Variants in VAV3 observed in about 807,000 individuals in gnomAD.
The protein encoded by VAV3 is vav guanine nucleotide exchange factor 3.
Under a neutral mutation model 131.2 loss-of-function variants are expected in VAV3, and 94 were observed. The ratio of observed to expected loss-of-function variants is 0.72; its 90% confidence interval spans 0.61 to 0.85. The LOEUF (loss-of-function observed/expected upper bound fraction) is 0.85, where lower values mean the gene tolerates loss of function less well. Ranked by LOEUF, VAV3 falls within the 40% of genes least tolerant of loss-of-function variation. The pLI, the probability that VAV3 is intolerant of heterozygous loss-of-function variation, is 0.00. For missense variants in VAV3, 939 were observed against 1,002.7 expected, an observed-to-expected ratio of 0.94 and a Z score of 0.86; for synonymous variants, 349 against 342.0, an observed-to-expected ratio of 1.02 and a Z score of -0.22.
At chr1:107,664,452 T>C (rs1657267661) in intron 19 of VAV3, among the ~76,000 whole-genome samples, 1 of 152,172 alleles carries the variant, frequency 6.6e-6, no homozygotes, top group African/African-American at 2.4e-5. Context: ...CTACAGTGCT[T>C]GAACAAACCA....
At chr1:107,921,598 G>T (rs1672901347) in intron 1 of VAV3, among the ~76,000 whole-genome samples, 2 of 152,182 alleles carry the variant, frequency 1.3e-5, no homozygotes, top group African/African-American at 4.8e-5. Flanking sequence ...TGACAGCCAA[G>T]TCATCACTCC....
At position 107,777,293 on chromosome 1, in the gene VAV3, G is replaced by A. The variant is rs1330696371; in HGVS notation, c.384C>T (p.Pro128=). 1.9e-6 allele frequency: 3 copies of A among 1,613,804 alleles called. No individual in the cohort carries two copies. Among genetic ancestry groups the A allele is most frequent in the South Asian group, 1.1e-5 (1 of 91,068 alleles). Residue 128 remains proline (P), a synonymous_variant, in exon 4 of 27, where the codon CCC becomes CCT. Coordinates refer to ENST00000370056, the MANE Select transcript of VAV3 (RefSeq NM_006113.5). Reference sequence around the variant, plus strand: ...CATTAATGCTTTCTTCTGTTGGGAAGGGCCTAGGAAGAGGAGAAAAAACAA... The same window carrying A: ...CATTAATGCTTTCTTCTGTTGGGAAAGGCCTAGGAAGAGGAGAAAAAACAA... ...TPIALATGIR[P]FPTEESINDE...
intron 22 of VAV3, among the ~76,000 whole-genome samples, chr1:107,604,123 G>A (rs562753303): frequency 6.6e-6 from 1 of 152,292 alleles, no homozygotes; most frequent in East Asian, 1.9e-4. Context: ...AGTTACATCA[G>A]AGATTTTAGT....
chr1:107,646,434 C>T (rs1027298246), intron 19 of VAV3, among the ~76,000 whole-genome samples: 6 of 151,980 alleles, frequency 3.9e-5, no homozygotes, highest in Admixed American at 2.0e-4. Flanking sequence ...TACCTTCAGA[C>T]ATTAAATGCA....
Position 107,770,632 on chromosome 1 carries a change from T to C in VAV3, c.648+4A>G, listed in dbSNP as rs371761471. 10 of 1,587,064 alleles carry C rather than the reference T, an allele frequency of 6.3e-6. No homozygotes were observed. The highest frequency in any genetic ancestry group is 7.8e-6 in the Non-Finnish European group (9 of 1,156,544). ...GGCATCAAAAATAATACCTGATGAC[T>C]TACCTTTTCTATTGACTCCAAAGTT... On this transcript the variant is annotated splice_donor_region_variant and intron_variant, in intron 6 of 26. Transcript: ENST00000370056.
At chr1:107,771,535 G>A (rs571139857) in intron 5 of VAV3, among the ~76,000 whole-genome samples, 3 of 152,292 alleles carry the variant, frequency 2.0e-5, no homozygotes, top group African/African-American at 7.2e-5. Flanking sequence ...TTACAAGCGC[G>A]AGCTACCGCG....
chr1:107,683,536 G>C lies in VAV3; in HGVS notation c.1732-3C>G, dbSNP rs769879359. The C allele has an allele frequency of 6.2e-7, 1 of 1,613,790 alleles. No individual in the cohort carries two copies. Among genetic ancestry groups the C allele is most frequent in the Non-Finnish European group, 8.5e-7 (1 of 1,179,756 alleles). ...CTTCGCAGTCCATTGGTCCGTTTCT[G>C]TGCAGTAAAGTAAAACAAAGCAAAA... On this transcript the variant is annotated splice_region_variant and splice_polypyrimidine_tract_variant and intron_variant, in intron 18 of 26. Transcript: ENST00000370056.
chr1:107,817,595 A>C (rs1667612547), intron 2 of VAV3, among the ~76,000 whole-genome samples: 1 of 152,174 alleles, frequency 6.6e-6, no homozygotes. Flanking sequence ...AAGGGAGACA[A>C]AGGGAATCAG....
At chr1:107,845,703 A>G (rs1285621136) in intron 2 of VAV3, among the ~76,000 whole-genome samples, 1 of 152,172 alleles carries the variant, frequency 6.6e-6, no homozygotes, top group Non-Finnish European at 1.5e-5. Context: ...GATATCAGAG[A>G]TTGAAGATCA....
intron 1 of VAV3, among the ~76,000 whole-genome samples, chr1:107,933,886 T>C (rs1673584125): frequency 1.3e-5 from 2 of 151,698 alleles, no homozygotes; most frequent in Admixed American, 1.3e-4. Flanking sequence ...TATCTGTAGG[T>C]AAAGCAATGT....
At position 107,609,974 on chromosome 1, in the gene VAV3, T is replaced by C; in HGVS notation, c.1981-9A>G. On this transcript the variant is annotated splice_polypyrimidine_tract_variant and intron_variant, in intron 21 of 26. Coordinates refer to ENST00000370056, the MANE Select transcript of VAV3 (RefSeq NM_006113.5). ...TCTACTGGTTTGGGCACCTAGGATA[T>C]AAAAAAGCAAAAACAGATTAAGTTT... The C allele has an allele frequency of 1.9e-6, 3 of 1,613,160 alleles. No homozygotes were observed. The highest frequency in any genetic ancestry group is 1.7e-5 in the Admixed American group (1 of 59,926).
At chr1:107,805,654 T>C (rs373868759) in intron 2 of VAV3, among the ~76,000 whole-genome samples, 5 of 152,226 alleles carry the variant, frequency 3.3e-5, no homozygotes, top group Non-Finnish European at 5.9e-5. Context: ...TCATTAGGTT[T>C]GGTCACTGGT....
Position 107,642,896 on chromosome 1 carries a change from T to C in VAV3, c.1778-141A>G, listed in dbSNP as rs56080321. The C allele has an allele frequency of 2.7e-3, 3,201 of 1,171,412 alleles. 18 individuals are homozygous for C. The highest frequency in any genetic ancestry group is 9.5e-3 in the Middle Eastern group (32 of 3,368). 72.6% of individuals were successfully genotyped at this position (1,171,412 alleles called of 1,614,324 possible). ...AAGTAAACATTTTAAGTAACTATAA[T>C]AGAATGATTTTCAACTTTCTCATTA... On this transcript the variant is annotated intron_variant, in intron 19 of 26. Transcript: ENST00000370056.
chr1:107,584,480 A>G (rs1002521721), intron 25 of VAV3, among the ~76,000 whole-genome samples: 2 of 152,196 alleles, frequency 1.3e-5, no homozygotes, highest in Non-Finnish European at 2.9e-5. Flanking sequence ...AACCCACAAA[A>G]TGGGAGAAAA....
chr1:107,906,380 T>C lies in VAV3; in HGVS notation c.205-31363A>G, dbSNP rs529056238. ...GGGAAGTCTTGTATAAAATAACAAA[T>C]CGGGCTGGGCACGGTGGCTCACGCC... On this transcript the variant is annotated intron_variant, in intron 1 of 26. Transcript: ENST00000370056. Among the ~76,000 whole-genome samples the C allele has an allele frequency of 7.5e-4, 114 of 152,114 alleles. 1 individual carries two copies. The highest frequency in any genetic ancestry group is 1.4e-3 in the Non-Finnish European group (96 of 68,020).
intron 15 of VAV3, among the ~76,000 whole-genome samples, chr1:107,721,044 G>C (rs1661465138): frequency 6.6e-6 from 1 of 152,226 alleles, no homozygotes; most frequent in Non-Finnish European, 1.5e-5. Context: ...GCTGAGCACA[G>C]CACAGGCTTG....
chr1:107,801,384 A>G (rs1194258107), intron 2 of VAV3, among the ~76,000 whole-genome samples: 1 of 152,160 alleles, frequency 6.6e-6, no homozygotes, highest in Non-Finnish European at 1.5e-5. Flanking sequence ...CATTGAATCT[A>G]TAGATTGCTT....
chr1:107,738,034 G>C (rs192861166), intron 15 of VAV3, among the ~76,000 whole-genome samples: 1 of 152,284 alleles, frequency 6.6e-6, no homozygotes, highest in African/African-American at 2.4e-5. Context: ...CCATAAAAAA[G>C]GATGAGTTCA....
In VAV3 at chr1:107,843,175, A is replaced by C. The variant is rs192794702; in HGVS notation, c.321+31726T>G. Among the ~76,000 whole-genome samples the C allele has an allele frequency of 8.5e-4, 129 of 151,968 alleles. 1 individual carries two copies. The highest frequency in any genetic ancestry group is 1.6e-4 in the Non-Finnish European group (11 of 67,972). On this transcript the variant is annotated intron_variant, in intron 2 of 26. Transcript: ENST00000370056. ...GGCATAATGCTCCTGGGTGGGCATT[A>C]TAACTGACAGCTCTGGAATCAGGCT...
Sources: allele counts gnomAD v4.1 joint callset (sites outside exome capture counted in the v4.1 genomes callset), GRCh38; gene constraint gnomAD v4.1.1; transcripts MANE v1.5; gene names NCBI Gene and HGNC (gene_info 2026-07-23, HGNC 2026-07-21).